The following PRKG1 variants were observed in gnomAD, a reference collection of about 807,000 sequenced individuals.
The protein encoded by PRKG1 is protein kinase cGMP-dependent 1.
A neutral mutation model predicts 88.1 loss-of-function variants in PRKG1; 35 were observed. The observed-to-expected ratio is 0.40, with a 90% CI of 0.30 to 0.53. The LOEUF is 0.53. Ranked by LOEUF, PRKG1 falls within the 20% of genes least tolerant of loss-of-function variation. The probability of loss-of-function intolerance (pLI) is 0.59; values close to 1 mark genes in which losing one functional copy is unlikely to be tolerated. For missense variants in PRKG1, 540 were observed against 839.8 expected (o/e 0.64, Z 4.41); for synonymous variants, 303 against 292.5 (o/e 1.04, Z -0.37).
intron 9 of PRKG1, among the ~76,000 whole-genome samples, chr10:52,167,519 G>A (rs544689411): frequency 3.2e-4 from 49 of 151,792 alleles, no homozygotes; most frequent in African/African-American, 1.1e-3. Flanking sequence ...TTTAATAGTA[G>A]CTGACAACCC....
intron 3 of PRKG1, among the ~76,000 whole-genome samples, chr10:51,624,387 G>A (rs1430762762): frequency 2.0e-5 from 3 of 152,088 alleles, no homozygotes; most frequent in Admixed American, 2.0e-4. Context: ...TGTTTATTTG[G>A]GGGCTTTTAA....
At chr10:51,086,391 G>A (rs559811925) in intron 1 of PRKG1, among the ~76,000 whole-genome samples, 1 of 152,290 alleles carries the variant, frequency 6.6e-6, no homozygotes, top group African/African-American at 2.4e-5. Context: ...CTAAAAGGGT[G>A]TAGCCCATGT....
intron 2 of PRKG1, among the ~76,000 whole-genome samples, chr10:51,410,852 AAT>A (rs1838064425): frequency 6.6e-6 from 1 of 151,566 alleles, no homozygotes; most frequent in Non-Finnish European, 1.5e-5. Context: ...CTTGTAGTCA[AAT>A]ATATTTACAT....
intron 17 of PRKG1, 42 bp from the exon 18 acceptor site, chr10:52,293,760 C>G (rs1842322075): frequency 3.9e-6 from 6 of 1,519,522 alleles, no homozygotes; most frequent in Middle Eastern, 3.4e-4. Context: ...TGGAATTCCA[C>G]TAAAAAAAAT....
At chr10:51,526,279 G>A (rs868195199) in intron 3 of PRKG1, among the ~76,000 whole-genome samples, 2 of 152,058 alleles carry the variant, frequency 1.3e-5, no homozygotes, top group African/African-American at 4.8e-5. Context: ...GATAATATTT[G>A]TATATATTGA....
At chr10:51,918,347 T>A (rs1196853436) in intron 5 of PRKG1, among the ~76,000 whole-genome samples, 2 of 152,102 alleles carry the variant, frequency 1.3e-5, no homozygotes, top group Non-Finnish European at 2.9e-5. Flanking sequence ...TTTTTTTATT[T>A]TTTTTTTTGT....
chr10:51,022,723 T>G (rs1843155626), intron 1 of PRKG1, among the ~76,000 whole-genome samples: 2 of 152,244 alleles, frequency 1.3e-5, no homozygotes, highest in African/African-American at 4.8e-5. Flanking sequence ...AAAAAGATCC[T>G]TGTCCACTTT....
At position 51,819,349 on chromosome 10, in the gene PRKG1, A is replaced by T. The variant is rs562751225; in HGVS notation, c.698+14659A>T. 5.9e-5 allele frequency among the ~76,000 whole-genome samples: 9 copies of T among 152,142 alleles called. No homozygotes were observed. In the South Asian group the frequency reaches 1.9e-3, roughly 32 times the overall value. On this transcript the variant is annotated intron_variant, in intron 4 of 17. Transcript: ENST00000373980. ...CAGGGCATTAATCTATTCATAAGGG[A>T]TTCACTCCCATAACCCAAATACCTC...
At chr10:51,164,128 C>A (rs1434071364) in intron 2 of PRKG1, among the ~76,000 whole-genome samples, 1 of 152,186 alleles carries the variant, frequency 6.6e-6, no homozygotes, top group African/African-American at 2.4e-5. Flanking sequence ...CCCCGAGCAG[C>A]CTAACTGGGA....
intron 3 of PRKG1, among the ~76,000 whole-genome samples, chr10:51,574,939 A>G (rs1837846793): frequency 6.6e-6 from 1 of 152,016 alleles, no homozygotes; most frequent in African/African-American, 2.4e-5. Flanking sequence ...TGGTGAGAGC[A>G]GGAGAGACAA....
In PRKG1 at chr10:51,300,764, C is replaced by T. The variant is rs1369065865; in HGVS notation, c.478+147434C>T. Among the ~76,000 whole-genome samples, 18 of 152,326 alleles carry T rather than the reference C, an allele frequency of 1.2e-4. No individual in the cohort carries two copies. The South Asian group carries it at 3.7e-3, about 32-fold the overall frequency. The stretch of plus-strand genomic sequence containing the variant: ...ACCTCTGTGTTATCTGAGATCTAAG[C>T]AGCAGGGCTGCTCTCTCCAGAATTA... On this transcript the variant is annotated intron_variant, in intron 2 of 17. Transcript: ENST00000373980.
intron 3 of PRKG1, among the ~76,000 whole-genome samples, chr10:51,493,475 A>G (rs1271427942): frequency 6.6e-6 from 1 of 152,102 alleles, no homozygotes; most frequent in Non-Finnish European, 1.5e-5. Context: ...TTCCATTTCT[A>G]TTGCCAGAAA....
intron 2 of PRKG1, among the ~76,000 whole-genome samples, chr10:51,331,400 G>T (rs1371315823): frequency 1.3e-5 from 2 of 152,104 alleles, no homozygotes. Flanking sequence ...TGTTCTAGAG[G>T]CTCAGTCTGT....
intron 2 of PRKG1, among the ~76,000 whole-genome samples, chr10:51,304,370 T>C (rs1349585524): frequency 6.6e-6 from 1 of 152,182 alleles, no homozygotes; most frequent in Non-Finnish European, 1.5e-5. Context: ...TGTGAACAAC[T>C]GATGTAATAA....
chr10:51,984,641 T>C (rs1844103650), intron 5 of PRKG1, among the ~76,000 whole-genome samples: 2 of 152,162 alleles, frequency 1.3e-5, no homozygotes, highest in Admixed American at 1.3e-4. Context: ...ATATTGTTTA[T>C]ATACTTTAGG....
chr10:51,309,416 A>G (rs967766780), intron 2 of PRKG1, among the ~76,000 whole-genome samples: 6 of 152,198 alleles, frequency 3.9e-5, no homozygotes, highest in African/African-American at 1.4e-4. Context: ...AAATAACCCC[A>G]TTAAAAAGTG....
At chr10:51,747,458 A>T (rs527428756) in intron 3 of PRKG1, among the ~76,000 whole-genome samples, 1 of 152,256 alleles carries the variant, frequency 6.6e-6, no homozygotes, top group East Asian at 1.9e-4. Context: ...GGATGTCTGA[A>T]GGCGCAGATG....
At chr10:51,840,222 T>C (rs184573354) in intron 4 of PRKG1, among the ~76,000 whole-genome samples, 4 of 152,312 alleles carry the variant, frequency 2.6e-5, no homozygotes, top group Admixed American at 2.0e-4. Flanking sequence ...CAGGTGGTAT[T>C]CATAATAAGG....
chr10:51,023,836 AG>A (rs1309365348), intron 1 of PRKG1, among the ~76,000 whole-genome samples: 1 of 152,226 alleles, frequency 6.6e-6, no homozygotes, highest in Non-Finnish European at 1.5e-5. Flanking sequence ...ACAAAAAGAA[AG>A]CCACATAACA....
Sources: allele counts gnomAD v4.1 joint callset (sites outside exome capture counted in the v4.1 genomes callset), GRCh38; gene constraint gnomAD v4.1.1; transcripts MANE v1.5; gene names NCBI Gene and HGNC (gene_info 2026-07-23, HGNC 2026-07-21).